TMC1: variants seen among roughly 807,000 people sequenced by gnomAD.
The protein encoded by TMC1 is transmembrane channel-like protein 1.
In TMC1, 84 loss-of-function variants were observed where a neutral mutation model predicts 105.8. The observed-to-expected ratio is 0.79, with a 90% confidence interval of 0.67 to 0.95. TMC1 has a LOEUF of 0.95. Among genes scored for constraint, TMC1 ranks in the 40% least tolerant of loss-of-function variants. The pLI is 0.00. For missense variants in TMC1, 817 were observed against 914.1 expected (o/e 0.89, Z 1.37); for synonymous variants, 315 against 311.5 (o/e 1.01, Z -0.12).
At chr9:72,655,678 C>A (rs1397677062) in intron 5 of TMC1, among the ~76,000 whole-genome samples, 2 of 151,838 alleles carry the variant, frequency 1.3e-5, no homozygotes, top group African/African-American at 2.4e-5. Flanking sequence ...GGAGGGGGAG[C>A]CTGCAGTGAG....
At chr9:72,687,810 A>G (rs1826401386) in intron 5 of TMC1, among the ~76,000 whole-genome samples, 1 of 152,118 alleles carries the variant, frequency 6.6e-6, no homozygotes, top group South Asian at 2.1e-4. Flanking sequence ...TTTTGGAAAA[A>G]TGTCATTCCA....
Position 72,575,007 on chromosome 9 carries a change from A to G in TMC1, c.-427-2895A>G, listed in dbSNP as rs546282197. On this transcript the variant is annotated intron_variant, in intron 1 of 23. Transcript: ENST00000297784. ...GTGTGGTGACCAGAGCTGGTGGCCA[A>G]CTGTCGTGAGGCCCCAGTCCTTCTT... 1.9e-3 allele frequency among the ~76,000 whole-genome samples: 289 copies of G among 152,216 alleles called. 1 individual carries two copies. Among genetic ancestry groups the G allele is most frequent in the African/African-American group, 6.5e-3 (268 of 41,540 alleles).
chr9:72,561,193 C>T (rs1824042258), intron 1 of TMC1, among the ~76,000 whole-genome samples: 1 of 151,876 alleles, frequency 6.6e-6, no homozygotes, highest in South Asian at 2.1e-4. Context: ...TGGTGGTGGG[C>T]ACCTGTAGTC....
chr9:72,788,311 T>G (rs1383273710), intron 13 of TMC1, 28 bp from the exon 14 acceptor site: 1 of 1,613,906 alleles, frequency 6.2e-7, no homozygotes, highest in Admixed American at 1.7e-5. Context: ...TTTTTCTGGC[T>G]GCTGGGTTAA....
At chr9:72,733,417 C>T (rs1827247027) in intron 8 of TMC1, among the ~76,000 whole-genome samples, 1 of 152,066 alleles carries the variant, frequency 6.6e-6, no homozygotes, top group African/African-American at 2.4e-5. Flanking sequence ...AAGAACAATT[C>T]CCACTTTCAA....
intron 3 of TMC1, among the ~76,000 whole-genome samples, chr9:72,617,346 T>C (rs1255209176): frequency 6.6e-6 from 1 of 152,094 alleles, no homozygotes; most frequent in Non-Finnish European, 1.5e-5. Flanking sequence ...GTATTTTTAG[T>C]AGAGACGGGG....
chr9:72,716,812 A>G (rs76160593), intron 8 of TMC1, among the ~76,000 whole-genome samples: 1 of 152,136 alleles, frequency 6.6e-6, no homozygotes, highest in Non-Finnish European at 1.5e-5. Flanking sequence ...CTGGGGTATG[A>G]AAAAACAACT....
At chr9:72,829,657 C>G (rs35613585) in intron 21 of TMC1, among the ~76,000 whole-genome samples, 6,004 of 152,168 alleles carry the variant, frequency 0.039, 148 homozygotes, top group Admixed American at 0.045. Context: ...GTTGCTAGCA[C>G]CAGATGGTTC....
rs1256344062 is a variant in TMC1, at chr9:72,700,741, T to TAC, written c.362+99_362+100insCA. On this transcript the variant is annotated intron_variant, in intron 8 of 23. Coordinates refer to ENST00000297784, the MANE Select transcript of TMC1 (RefSeq NM_138691.3). ...ATATATATATATATATATATATATA[T>TAC]ATACACACACACACACACATACACA... 4.0e-3 allele frequency: 603 copies of TAC among 150,200 alleles called. 5 individuals are homozygous for TAC. The highest frequency in any genetic ancestry group is 0.032 in the African/African-American group (518 of 16,384). The allele number at this position is 150,200 out of a possible 1,614,324, so 9.3% of individuals were successfully genotyped here.
chr9:72,679,620 T>C (rs1444177496), intron 5 of TMC1, among the ~76,000 whole-genome samples: 3 of 152,064 alleles, frequency 2.0e-5, no homozygotes, highest in African/African-American at 7.2e-5. Flanking sequence ...TACACTCTGG[T>C]TCATAGACAG....
intron 5 of TMC1, among the ~76,000 whole-genome samples, chr9:72,663,101 A>G (rs1825991445): frequency 6.6e-6 from 1 of 152,214 alleles, no homozygotes; most frequent in Non-Finnish European, 1.5e-5. Flanking sequence ...TTCAGAGGGT[A>G]GGGTTTTTCA....
intron 8 of TMC1, among the ~76,000 whole-genome samples, chr9:72,736,907 G>A (rs1264984474): frequency 6.6e-6 from 1 of 152,134 alleles, no homozygotes; most frequent in African/African-American, 2.4e-5. Context: ...AAAAATATGG[G>A]AATTTAGTAA....
intron 8 of TMC1, among the ~76,000 whole-genome samples, chr9:72,729,946 T>C (rs1299932971): frequency 6.6e-6 from 1 of 152,180 alleles, no homozygotes; most frequent in African/African-American, 2.4e-5. Context: ...ATGAACTGAG[T>C]GGGGAAACCC....
At chr9:72,794,665 A>T (rs1828333222) in intron 17 of TMC1, among the ~76,000 whole-genome samples, 1 of 152,186 alleles carries the variant, frequency 6.6e-6, no homozygotes, top group Non-Finnish European at 1.5e-5. Context: ...ACACCTACAC[A>T]CTGAGATGAG....
At chr9:72,671,206 T>G (rs1464361569) in intron 5 of TMC1, among the ~76,000 whole-genome samples, 1 of 152,216 alleles carries the variant, frequency 6.6e-6, no homozygotes, top group African/African-American at 2.4e-5. Flanking sequence ...CTAATGGTAG[T>G]AAACTGGGGG....
chr9:72,798,809 G>A (rs1828417530), intron 17 of TMC1, among the ~76,000 whole-genome samples: 3 of 151,820 alleles, frequency 2.0e-5, no homozygotes, highest in Admixed American at 1.3e-4. Context: ...ATGTAACAAA[G>A]CTTCACATGT....
intron 6 of TMC1, among the ~76,000 whole-genome samples, chr9:72,692,770 C>G (rs572937454): frequency 6.6e-6 from 1 of 152,120 alleles, no homozygotes; most frequent in Admixed American, 6.5e-5. Context: ...CAAACAGAAA[C>G]TCGTTCTTGA....
At chr9:72,767,029 T>G (rs1179336361) in intron 12 of TMC1, among the ~76,000 whole-genome samples, 20 of 152,300 alleles carry the variant, frequency 1.3e-4, no homozygotes, top group Non-Finnish European at 4.4e-5. Context: ...GCCTTTTCAC[T>G]CCTTGTTTCT....
chr9:72,741,111 T>TG (rs1491106131), intron 9 of TMC1: 2 of 62,404 alleles, frequency 3.2e-5, no homozygotes, highest in African/African-American at 6.2e-5. Flanking sequence ...ATGAGTAATC[T>TG]TTTTTTTTTT....
Sources: allele counts gnomAD v4.1 joint callset (sites outside exome capture counted in the v4.1 genomes callset), GRCh38; gene constraint gnomAD v4.1.1; transcripts MANE v1.5; gene names NCBI Gene and HGNC (gene_info 2026-07-23, HGNC 2026-07-21).